The following ELMOD1 variants were observed in gnomAD, a reference collection of about 807,000 sequenced individuals.
The protein encoded by ELMOD1 is ELMO domain containing 1.
In ELMOD1, 21 loss-of-function variants were observed where a neutral mutation model predicts 46.7. That is an observed-to-expected ratio of 0.45 (90% CI 0.32 to 0.65). The LOEUF is 0.65. Ranked by LOEUF, ELMOD1 falls within the 30% of genes least tolerant of loss-of-function variation. ELMOD1 has a pLI of 0.04. For synonymous variants in ELMOD1, 122 were observed against 138.2 expected (o/e 0.88, Z 0.82); for missense variants, 348 against 407.8 (o/e 0.85, Z 1.26).
intron 5 of ELMOD1, among the ~76,000 whole-genome samples, chr11:107,633,622 G>T (rs1367014222): frequency 2.0e-5 from 3 of 152,010 alleles, no homozygotes; most frequent in Non-Finnish European, 1.5e-5. Flanking sequence ...TAGTAAAGAT[G>T]GGGTTTTACC....
chr11:107,654,553 A>C (rs1866588885), intron 10 of ELMOD1, among the ~76,000 whole-genome samples: 1 of 152,184 alleles, frequency 6.6e-6, no homozygotes, highest in South Asian at 2.1e-4. Context: ...GCGGATCACG[A>C]GGTCAGGAGA....
At chr11:107,601,472 G>GTGGCATGA (rs1865597796) in intron 1 of ELMOD1, among the ~76,000 whole-genome samples, 1 of 142,230 alleles carries the variant, frequency 7.0e-6, no homozygotes, top group Admixed American at 7.3e-5. Flanking sequence ...CTGGAGTGCA[G>GTGGCATGA]TGGCATGATC....
intron 6 of ELMOD1, among the ~76,000 whole-genome samples, chr11:107,645,252 T>A (rs1387547099): frequency 1.3e-5 from 2 of 151,002 alleles, no homozygotes; most frequent in Non-Finnish European, 3.0e-5. Flanking sequence ...AAGGATTTTT[T>A]AAAATAAACT....
intron 2 of ELMOD1, among the ~76,000 whole-genome samples, chr11:107,624,297 C>T (rs1162828360): frequency 1.3e-5 from 2 of 152,106 alleles, no homozygotes; most frequent in Non-Finnish European, 2.9e-5. Context: ...CATTGTTTCT[C>T]CTTATAAATA....
At chr11:107,636,829 TTA>T (rs1468832946) in intron 6 of ELMOD1, among the ~76,000 whole-genome samples, 3 of 152,250 alleles carry the variant, frequency 2.0e-5, no homozygotes, top group Non-Finnish European at 4.4e-5. Context: ...CTGCTGAATT[TTA>T]TCTCTTTTAT....
chr11:107,607,144 T>G (rs1865698632), intron 1 of ELMOD1, among the ~76,000 whole-genome samples: 1 of 152,182 alleles, frequency 6.6e-6, no homozygotes, highest in Non-Finnish European at 1.5e-5. Context: ...CTGTTTCTGT[T>G]TGATTCCAAA....
At chr11:107,617,555 C>T (rs931692831) in intron 1 of ELMOD1, among the ~76,000 whole-genome samples, 3 of 152,222 alleles carry the variant, frequency 2.0e-5, no homozygotes, top group African/African-American at 7.2e-5. Context: ...TCAAATCTCA[C>T]TGCTCTGTTC....
At chr11:107,629,305 C>G (rs1326865602) in intron 2 of ELMOD1, among the ~76,000 whole-genome samples, 2 of 152,102 alleles carry the variant, frequency 1.3e-5, no homozygotes, top group Non-Finnish European at 2.9e-5. Flanking sequence ...ATCTGAGTGA[C>G]CATGCATCAC....
intron 1 of ELMOD1, chr11:107,592,676 A>C: frequency 4.5e-6 from 1 of 222,866 alleles, no homozygotes; most frequent in South Asian, 6.6e-5. Context: ...CTCTCATCTT[A>C]ATCTTTTTCA....
At chr11:107,597,006 T>A (rs1865502673) in intron 1 of ELMOD1, among the ~76,000 whole-genome samples, 1 of 152,208 alleles carries the variant, frequency 6.6e-6, no homozygotes, top group South Asian at 2.1e-4. Context: ...AGATCTGGAA[T>A]GTAGTGTCAT....
In ELMOD1 at chr11:107,625,297, GA is replaced by G. The variant is rs1183786922; in HGVS notation, c.18-5116del. 5 of 680,884 alleles carry G rather than the reference GA, an allele frequency of 7.3e-6. No homozygotes were observed. In the African/African-American group the frequency reaches 9.8e-5, roughly 13 times the overall value. 42.2% of individuals were successfully genotyped at this position (680,884 alleles called of 1,614,324 possible). ...TTGCTCTTCTTTATGACATTTAGAT[GA>G]AAAGTATTTCATTTGGGAAACTGTG... On this transcript the variant is annotated intron_variant, in intron 2 of 11. Coordinates refer to ENST00000265840, the MANE Select transcript of ELMOD1 (RefSeq NM_018712.4).
chr11:107,625,067 G>A (rs1013285753), intron 2 of ELMOD1, among the ~76,000 whole-genome samples: 5 of 152,178 alleles, frequency 3.3e-5, no homozygotes, highest in African/African-American at 1.2e-4. Flanking sequence ...GAGACCCACG[G>A]ATGGTTTCTT....
intron 5 of ELMOD1, among the ~76,000 whole-genome samples, chr11:107,635,108 T>G (rs1013989800): frequency 6.6e-6 from 1 of 152,210 alleles, no homozygotes; most frequent in Non-Finnish European, 1.5e-5. Context: ...TTTGATTTTT[T>G]TCCTTGAAGC....
intron 6 of ELMOD1, chr11:107,642,750 A>G (rs1405525925): frequency 1.2e-5 from 2 of 161,970 alleles, no homozygotes; most frequent in East Asian, 1.9e-4. Flanking sequence ...CCATTATAAA[A>G]GGCAAACACA....
intron 1 of ELMOD1, among the ~76,000 whole-genome samples, chr11:107,613,342 A>G (rs1440732876): frequency 6.6e-6 from 1 of 152,190 alleles, no homozygotes; most frequent in African/African-American, 2.4e-5. Flanking sequence ...TACTTACCCC[A>G]TTTAATCCTA....
intron 6 of ELMOD1, among the ~76,000 whole-genome samples, chr11:107,644,764 G>A (rs920337583): frequency 6.6e-6 from 1 of 152,068 alleles, no homozygotes; most frequent in African/African-American, 2.4e-5. Context: ...GTAAGCCACC[G>A]CACCCAGCCA....
intron 11 of ELMOD1, among the ~76,000 whole-genome samples, chr11:107,656,483 TATAG>T (rs1209018849): frequency 6.7e-6 from 1 of 148,882 alleles, no homozygotes; most frequent in African/African-American, 2.5e-5. Context: ...ATATATATAA[TATAG>T]AGAGAGAGAG....
chr11:107,646,437 C>T (rs1190131159), intron 6 of ELMOD1, among the ~76,000 whole-genome samples: 2 of 152,024 alleles, frequency 1.3e-5, no homozygotes, highest in African/African-American at 2.4e-5. Context: ...TAGGTGAGAC[C>T]TAAAAAATGA....
intron 1 of ELMOD1, among the ~76,000 whole-genome samples, chr11:107,610,662 A>G (rs1200485080): frequency 7.5e-6 from 1 of 134,142 alleles, no homozygotes; most frequent in African/African-American, 2.7e-5. Flanking sequence ...GATCCTATCT[A>G]AAAAAAAAAA....
Sources: allele counts gnomAD v4.1 joint callset (sites outside exome capture counted in the v4.1 genomes callset), GRCh38; gene constraint gnomAD v4.1.1; transcripts MANE v1.5; gene names NCBI Gene and HGNC (gene_info 2026-07-23, HGNC 2026-07-21).